MROH9: variants seen among roughly 807,000 people sequenced by gnomAD.
MROH9 encodes the protein maestro heat like repeat family member 9.
In MROH9, 92 loss-of-function variants were observed where a neutral mutation model predicts 98.2. The ratio of observed to expected loss-of-function variants is 0.94; its 90% CI spans 0.79 to 1.11. The LOEUF is 1.11. MROH9 is among the 50% of genes most tolerant of loss of function. The pLI, the probability that MROH9 is intolerant of heterozygous loss-of-function variation, is 0.00. For missense variants in MROH9, 1,057 were observed against 1,014.8 expected, an observed-to-expected ratio of 1.04 and a Z score of -0.57; for synonymous variants, 397 against 368.9, an observed-to-expected ratio of 1.08 and a Z score of -0.87.
chr1:170,968,341 A>T (rs1409449734), intron 7 of MROH9, among the ~76,000 whole-genome samples: 1 of 152,128 alleles, frequency 6.6e-6, no homozygotes, highest in Non-Finnish European at 1.5e-5. Flanking sequence ...TTTTGCAAAA[A>T]CCATTGTTAA....
intron 20 of MROH9, among the ~76,000 whole-genome samples, chr1:171,041,268 G>T (rs1420199221): frequency 6.6e-6 from 1 of 150,488 alleles, no homozygotes; most frequent in Non-Finnish European, 1.5e-5. Flanking sequence ...TTTCACTGAG[G>T]CTAATGGCCT....
intron 12 of MROH9, among the ~76,000 whole-genome samples, chr1:170,992,648 G>A: frequency 6.6e-6 from 1 of 152,172 alleles, no homozygotes; most frequent in Non-Finnish European, 1.5e-5. Flanking sequence ...AGGCCTCTCT[G>A]CTGAGCTGGC....
intron 1 of MROH9, among the ~76,000 whole-genome samples, chr1:170,937,772 C>T (rs1648958050): frequency 6.6e-6 from 1 of 152,116 alleles, no homozygotes. Flanking sequence ...ATCCGCCCGC[C>T]TCGGCCTCCC....
intron 21 of MROH9, 141 bp downstream of exon 21, chr1:171,062,335 G>T: frequency 1.6e-6 from 1 of 612,974 alleles, no homozygotes. Flanking sequence ...GGATAATTAC[G>T]GAAGAATCAA....
intron 3 of MROH9, among the ~76,000 whole-genome samples, chr1:170,953,064 T>C (rs1458921909): frequency 6.6e-6 from 1 of 152,166 alleles, no homozygotes; most frequent in Non-Finnish European, 1.5e-5. Context: ...TTCCAGAATT[T>C]CTCTTGGCAT....
chr1:170,981,475 C>G (rs1265857909), intron 8 of MROH9, among the ~76,000 whole-genome samples: 2 of 152,088 alleles, frequency 1.3e-5, no homozygotes, highest in African/African-American at 4.8e-5. Flanking sequence ...ATGGATGAAG[C>G]TGGAAGCCAT....
At chr1:170,985,822 A>G (rs140245720) in intron 9 of MROH9, among the ~76,000 whole-genome samples, 95 of 151,648 alleles carry the variant, frequency 6.3e-4, no homozygotes, top group African/African-American at 2.1e-3. Context: ...GAGAGGAGCT[A>G]GTGATCATCA....
At chr1:171,000,687 G>C (rs921038944) in intron 15 of MROH9, among the ~76,000 whole-genome samples, 4 of 151,976 alleles carry the variant, frequency 2.6e-5, no homozygotes, top group African/African-American at 4.8e-5. Flanking sequence ...CAAGGATATT[G>C]GTCTGTAGTT....
intron 12 of MROH9, among the ~76,000 whole-genome samples, chr1:170,994,134 A>G (rs1651466431): frequency 6.6e-6 from 1 of 152,176 alleles, no homozygotes; most frequent in Non-Finnish European, 1.5e-5. Context: ...GCATTTTTGT[A>G]TATTTGCCTT....
intron 15 of MROH9, among the ~76,000 whole-genome samples, chr1:171,011,077 A>T (rs576306697): frequency 6.6e-6 from 1 of 151,970 alleles, no homozygotes; most frequent in South Asian, 2.1e-4. Context: ...GTAACATTGA[A>T]TTTTTTTTAC....
chr1:171,013,882 C>T (rs1571502760), intron 15 of MROH9, among the ~76,000 whole-genome samples: 1 of 107,116 alleles, frequency 9.3e-6, no homozygotes, highest in African/African-American at 7.3e-5. Context: ...CATACACACA[C>T]ACACACACAC....
intron 8 of MROH9, among the ~76,000 whole-genome samples, chr1:170,983,071 T>G (rs1650996888): frequency 6.6e-6 from 1 of 152,196 alleles, no homozygotes; most frequent in African/African-American, 2.4e-5. Context: ...CCTCAGCTCA[T>G]TTCAGTTGCC....
At chr1:170,997,133 T>A (rs2101815276) in intron 14 of MROH9, among the ~76,000 whole-genome samples, 1 of 152,242 alleles carries the variant, frequency 6.6e-6, no homozygotes, top group East Asian at 1.9e-4. Flanking sequence ...AAGTTTCTGA[T>A]TGTAGGGATC....
intron 7 of MROH9, among the ~76,000 whole-genome samples, chr1:170,970,651 G>A (rs960033421): frequency 2.0e-5 from 3 of 151,580 alleles, no homozygotes; most frequent in African/African-American, 4.9e-5. Flanking sequence ...TATGGCCTTC[G>A]CCCATGACCT....
At chr1:171,025,049 A>C (rs2101842745) in intron 19 of MROH9, among the ~76,000 whole-genome samples, 1 of 152,278 alleles carries the variant, frequency 6.6e-6, no homozygotes. Flanking sequence ...CAGATCACAA[A>C]AAAGAAAACT....
chr1:170,958,611 T>A, intron 4 of MROH9, 71 bp downstream of exon 4: 1 of 1,071,642 alleles, frequency 9.3e-7, no homozygotes, highest in South Asian at 1.6e-5. Flanking sequence ...TTTAAAAACA[T>A]GCAATTGTGA....
chr1:171,053,851 G>A (rs1325608894), intron 20 of MROH9, among the ~76,000 whole-genome samples: 4 of 152,100 alleles, frequency 2.6e-5, no homozygotes, highest in Non-Finnish European at 5.9e-5. Flanking sequence ...CAAAAAGAGT[G>A]TAAGATAATA....
chr1:170,965,567 C>T (rs867406851), intron 7 of MROH9, among the ~76,000 whole-genome samples: 1 of 152,134 alleles, frequency 6.6e-6, no homozygotes, highest in African/African-American at 2.4e-5. Flanking sequence ...TCCTTCCAAC[C>T]TTACCTTTCT....
intron 20 of MROH9, among the ~76,000 whole-genome samples, chr1:171,061,826 G>A (rs1654024826): frequency 6.6e-6 from 1 of 152,198 alleles, no homozygotes; most frequent in East Asian, 1.9e-4. Context: ...AGGAGACTGG[G>A]AGAGCCTTGA....
Sources: gnomAD v4.1 joint callset for allele counts (sites outside exome capture counted in the v4.1 genomes callset) on GRCh38, gnomAD v4.1.1 for gene constraint, MANE v1.5 for transcripts, NCBI Gene and HGNC (gene_info 2026-07-23, HGNC 2026-07-21) for gene names.